ARHGAP42: variants seen among roughly 807,000 people sequenced by gnomAD.
ARHGAP42 encodes rho GTPase-activating protein 42.
Under a neutral mutation model 125.0 loss-of-function variants are expected in ARHGAP42, and 63 were observed. The observed-to-expected ratio is 0.50, with a 90% CI of 0.41 to 0.62. ARHGAP42 has a LOEUF of 0.62. Ranked by LOEUF, ARHGAP42 falls within the 20% of genes least tolerant of loss-of-function variation. The pLI is 0.00. For synonymous variants in ARHGAP42, 339 were observed against 351.0 expected (o/e 0.97, Z 0.38); for missense variants, 766 against 1,024.2 (o/e 0.75, Z 3.44).
At chr11:100,774,445 G>A (rs915663059) in intron 2 of ARHGAP42, among the ~76,000 whole-genome samples, 4 of 151,374 alleles carry the variant, frequency 2.6e-5, no homozygotes, top group Non-Finnish European at 5.9e-5. Flanking sequence ...TCTGAGCAGC[G>A]AGCAATAGCC....
chr11:100,862,812 C>A (rs1039611496), intron 4 of ARHGAP42, among the ~76,000 whole-genome samples: 1 of 152,120 alleles, frequency 6.6e-6, no homozygotes, highest in South Asian at 2.1e-4. Flanking sequence ...AGGTGGATCA[C>A]CTGAGTTCGG....
intron 3 of ARHGAP42, among the ~76,000 whole-genome samples, chr11:100,818,390 T>C (rs1452525816): frequency 6.6e-6 from 1 of 152,156 alleles, no homozygotes; most frequent in Non-Finnish European, 1.5e-5. Flanking sequence ...ATGTAGGATG[T>C]GATGGGTGCT....
chr11:100,780,848 C>T (rs1863295225), intron 2 of ARHGAP42, among the ~76,000 whole-genome samples: 1 of 152,132 alleles, frequency 6.6e-6, no homozygotes, highest in Non-Finnish European at 1.5e-5. Flanking sequence ...TGTTTTGAAT[C>T]GTGTAAAAAC....
intron 4 of ARHGAP42, among the ~76,000 whole-genome samples, chr11:100,874,228 A>C (rs1392974177): frequency 2.6e-5 from 4 of 152,134 alleles, no homozygotes; most frequent in African/African-American, 9.7e-5. Context: ...CTATTGTGGG[A>C]AGTAATCTAT....
rs1861107378 is a variant in ARHGAP42 at position 100,687,636 on chromosome 11, C to T, written c.-43C>T. 6 of 1,327,280 alleles carry T rather than the reference C, an allele frequency of 4.5e-6. No homozygotes were observed. The East Asian group carries it at 2.0e-4, about 43-fold the overall frequency. The allele number at this position is 1,327,280 out of a possible 1,614,324, so 82.2% of individuals were successfully genotyped here. On this transcript the variant is annotated 5_prime_UTR_variant, in exon 1 of 24. Transcript: ENST00000298815. The stretch of plus-strand genomic sequence containing the variant: ...CGCCGGCTGCCCCCGCCCTGACCTC[C>T]GGCCCGGACGTGTCCGCGGCCGCCG...
Position 100,853,784 on chromosome 11 carries a change from G to A in ARHGAP42, c.313-5770G>A, listed in dbSNP as rs554819838. Among the ~76,000 whole-genome samples, 140 of 152,134 alleles carry A rather than the reference G, an allele frequency of 9.2e-4. 2 individuals carry two copies. In the South Asian group the frequency reaches 0.028, roughly 30 times the overall value. On this transcript the variant is annotated intron_variant, in intron 3 of 23. Coordinates refer to ENST00000298815, the MANE Select transcript of ARHGAP42 (RefSeq NM_152432.4). ...TCAGCAGTAGTTATAAACTCTAGAA[G>A]TAGAGAGGATTGCTTGCCATTTTAC... is the stretch of plus-strand genomic sequence containing the variant.
At chr11:100,807,460 T>A (rs1242081072) in intron 3 of ARHGAP42, among the ~76,000 whole-genome samples, 2 of 152,166 alleles carry the variant, frequency 1.3e-5, no homozygotes, top group East Asian at 3.9e-4. Flanking sequence ...TCTCCCAAAG[T>A]GCTAGGATTA....
intron 3 of ARHGAP42, among the ~76,000 whole-genome samples, chr11:100,854,945 G>A (rs1440950873): frequency 6.6e-6 from 1 of 152,124 alleles, no homozygotes; most frequent in South Asian, 2.1e-4. Context: ...CTTTTACGTC[G>A]AAGACGGTGT....
chr11:100,855,668 CTATT>C (rs1310266238), intron 3 of ARHGAP42, among the ~76,000 whole-genome samples: 17 of 152,006 alleles, frequency 1.1e-4, no homozygotes, highest in Admixed American at 1.1e-3. Flanking sequence ...CCCCTTGTGG[CTATT>C]TATTAGAACC....
In ARHGAP42 at chr11:100,992,878, G is replaced by A. The variant is rs1235999774; in HGVS notation, c.*4077G>A. The A allele has an allele frequency of 6.9e-6, 3 of 434,014 alleles. No individual in the cohort carries two copies. The African/African-American group carries it at 8.3e-5, about 12-fold the overall frequency. 26.9% of individuals were successfully genotyped at this position (434,014 alleles called of 1,614,324 possible). On this transcript the variant is annotated 3_prime_UTR_variant, in exon 24 of 24. Transcript: ENST00000298815. Reference sequence around the variant, plus strand: ...TGATTACAAGGTGTCTGTGGTTTAGGGGGCCCAGCCCATCATTCCTTTTCC... The same window carrying A: ...TGATTACAAGGTGTCTGTGGTTTAGAGGGCCCAGCCCATCATTCCTTTTCC...
At chr11:100,842,584 G>A (rs555560588) in intron 3 of ARHGAP42, among the ~76,000 whole-genome samples, 2 of 152,164 alleles carry the variant, frequency 1.3e-5, no homozygotes, top group East Asian at 3.9e-4. Flanking sequence ...ATGAAAGAAG[G>A]CGTAGAAATC....
At chr11:100,883,564 A>T (rs765830047) in intron 4 of ARHGAP42, among the ~76,000 whole-genome samples, 1 of 151,986 alleles carries the variant, frequency 6.6e-6, no homozygotes, top group Non-Finnish European at 1.5e-5. Context: ...GCTGATCGTG[A>T]TCTCTTGACC....
At chr11:100,811,099 G>A (rs1326567249) in intron 3 of ARHGAP42, among the ~76,000 whole-genome samples, 3 of 152,084 alleles carry the variant, frequency 2.0e-5, no homozygotes, top group African/African-American at 4.8e-5. Flanking sequence ...GGCATTACAG[G>A]CATGCGCCAC....
chr11:100,909,139 G>T lies in ARHGAP42; in HGVS notation c.385-4313G>T, dbSNP rs532619220. Among the ~76,000 whole-genome samples, 12 of 152,202 alleles carry T rather than the reference G, an allele frequency of 7.9e-5. No individual in the cohort carries two copies. In the East Asian group the frequency reaches 2.3e-3, roughly 29 times the overall value. ...TGTAGGTTATGGATATTAGCCCTTT[G>T]TTGGATGGATTGTTTGCAAATACTT... On this transcript the variant is annotated intron_variant, in intron 4 of 23. Coordinates refer to ENST00000298815, the MANE Select transcript of ARHGAP42 (RefSeq NM_152432.4).
At chr11:100,701,347 C>T (rs1162607212) in intron 1 of ARHGAP42, among the ~76,000 whole-genome samples, 2 of 152,108 alleles carry the variant, frequency 1.3e-5, no homozygotes, top group African/African-American at 4.8e-5. Context: ...TGCTTTGGCT[C>T]CTAACAAGAG....
intron 13 of ARHGAP42, among the ~76,000 whole-genome samples, chr11:100,960,461 A>G (rs1489263646): frequency 6.6e-6 from 1 of 152,080 alleles, no homozygotes; most frequent in Non-Finnish European, 1.5e-5. Context: ...AGTTCCATAA[A>G]CTTATATTTA....
chr11:100,845,268 A>G (rs1464409229), intron 3 of ARHGAP42, among the ~76,000 whole-genome samples: 2 of 152,128 alleles, frequency 1.3e-5, no homozygotes, highest in Admixed American at 6.6e-5. Flanking sequence ...CAAACATCAT[A>G]TAATCTCACT....
intron 3 of ARHGAP42, among the ~76,000 whole-genome samples, chr11:100,849,176 G>A (rs1281802333): frequency 6.6e-6 from 1 of 152,078 alleles, no homozygotes; most frequent in African/African-American, 2.4e-5. Flanking sequence ...TTTTTTTAAT[G>A]TTGTTTGTCA....
intron 3 of ARHGAP42, among the ~76,000 whole-genome samples, chr11:100,856,520 T>G (rs186817138): frequency 1.6e-4 from 24 of 152,174 alleles, no homozygotes; most frequent in Non-Finnish European, 3.5e-4. Flanking sequence ...ATTTTCCATT[T>G]TGATCTCTTG....
Sources: gnomAD v4.1 joint callset for allele counts (sites outside exome capture counted in the v4.1 genomes callset) on GRCh38, gnomAD v4.1.1 for gene constraint, MANE v1.5 for transcripts, NCBI Gene and HGNC (gene_info 2026-07-23, HGNC 2026-07-21) for gene names.